The following DPP6 variants were observed in gnomAD, a reference collection of about 807,000 sequenced individuals.
DPP6 encodes the protein dipeptidyl peptidase like 6.
In DPP6, 69 loss-of-function variants were observed where a neutral mutation model predicts 122.6. That is an observed-to-expected ratio of 0.56 (90% CI 0.46 to 0.69). The LOEUF is 0.69. Ranked by LOEUF, DPP6 falls within the 30% of genes least tolerant of loss-of-function variation. The probability of loss-of-function intolerance (pLI) is 0.00; values close to 1 mark genes in which losing one functional copy is unlikely to be tolerated. For synonymous variants in DPP6, 418 were observed against 433.1 expected (o/e 0.97, Z 0.43); for missense variants, 928 against 1,116.9 (o/e 0.83, Z 2.41).
intron 1 of DPP6, among the ~76,000 whole-genome samples, chr7:153,944,823 G>A (rs1478985803): frequency 6.6e-6 from 1 of 151,964 alleles, no homozygotes; most frequent in African/African-American, 2.4e-5. Context: ...TAGAGATGGG[G>A]TTTCACCATG....
chr7:154,674,478 C>G (rs1056078676), intron 7 of DPP6, among the ~76,000 whole-genome samples: 1 of 152,156 alleles, frequency 6.6e-6, no homozygotes, highest in African/African-American at 2.4e-5. Flanking sequence ...GGTGCATCAT[C>G]ACGTTTTCCT....
intron 1 of DPP6, among the ~76,000 whole-genome samples, chr7:154,211,259 C>T (rs1483859469): frequency 6.6e-6 from 1 of 152,146 alleles, no homozygotes; most frequent in Non-Finnish European, 1.5e-5. Context: ...AACAAGCTGG[C>T]AGACAGCCCC....
chr7:154,520,480 A>G (rs971299821), intron 3 of DPP6, among the ~76,000 whole-genome samples: 1 of 152,258 alleles, frequency 6.6e-6, no homozygotes, highest in African/African-American at 2.4e-5. Flanking sequence ...CCTAAAATAG[A>G]GGCCAAATTT....
chr7:154,669,156 C>T (rs969404561), intron 6 of DPP6, among the ~76,000 whole-genome samples: 5 of 152,160 alleles, frequency 3.3e-5, no homozygotes, highest in African/African-American at 1.2e-4. Flanking sequence ...CCTATTTCAG[C>T]TTCATATAAA....
rs1304205992 is a variant in DPP6, at chr7:154,403,053, A to C, written c.244-43161A>C. Among the ~76,000 whole-genome samples, 1 of 152,230 alleles carries C rather than the reference A, an allele frequency of 6.6e-6. No homozygotes were observed. The highest frequency in any genetic ancestry group is 1.5e-5 in the Non-Finnish European group (1 of 68,040). On this transcript the variant is annotated intron_variant, in intron 1 of 25. Coordinates refer to ENST00000377770, the MANE Select transcript of DPP6 (RefSeq NM_130797.4). The surrounding 1 kb of genome is among the most constrained non-coding windows in gnomAD (Gnocchi z 4.1). ...AGAGATGCTAATAGCTAATTATCAG[A>C]GTTATTTATATGACTGTGTCAGGTA...
At chr7:153,927,230 T>G (rs1800943308) in intron 1 of DPP6, among the ~76,000 whole-genome samples, 1 of 152,164 alleles carries the variant, frequency 6.6e-6, no homozygotes, top group Non-Finnish European at 1.5e-5. Flanking sequence ...GGAGGATCAC[T>G]TGAGTGCCGG....
intron 1 of DPP6, among the ~76,000 whole-genome samples, chr7:154,201,345 T>C (rs1191117898): frequency 1.3e-5 from 2 of 152,168 alleles, no homozygotes; most frequent in African/African-American, 4.8e-5. Context: ...GCCAAGCTAG[T>C]CTTGAACTCC....
intron 1 of DPP6, among the ~76,000 whole-genome samples, chr7:154,074,003 G>C (rs1209733839): frequency 1.3e-3 from 149 of 111,268 alleles, no homozygotes; most frequent in Non-Finnish European, 2.1e-3. Flanking sequence ...ATATATCTAT[G>C]TATGTATGTA....
rs59140360 is a variant in DPP6, at chr7:154,347,437, C to A, written c.244-98777C>A. Among the ~76,000 whole-genome samples, 498 of 152,318 alleles carry A rather than the reference C, an allele frequency of 3.3e-3. 3 individuals carry two copies. Among genetic ancestry groups the A allele is most frequent in the African/African-American group, 0.011 (465 of 41,570 alleles). Reference sequence around the variant, plus strand: ...CTGCATGAAAATTTAGCAACTAAATCTGGCCATTAAAGCATAATCTTTATT... The same window carrying A: ...CTGCATGAAAATTTAGCAACTAAATATGGCCATTAAAGCATAATCTTTATT... On this transcript the variant is annotated intron_variant, in intron 1 of 25. Transcript: ENST00000377770.
At chr7:154,148,771 C>T (rs560726178) in intron 1 of DPP6, among the ~76,000 whole-genome samples, 3 of 152,366 alleles carry the variant, frequency 2.0e-5, no homozygotes, top group Non-Finnish European at 2.9e-5. Context: ...TCATCCCCAT[C>T]GCTCTTATTG....
chr7:154,620,721 C>T (rs1213849753), intron 5 of DPP6, among the ~76,000 whole-genome samples: 2 of 152,222 alleles, frequency 1.3e-5, no homozygotes, highest in Non-Finnish European at 2.9e-5. Flanking sequence ...CAGCAAGTAG[C>T]ACATGCTTTT....
chr7:153,948,923 G>T (rs541397783), intron 1 of DPP6, among the ~76,000 whole-genome samples: 12 of 151,650 alleles, frequency 7.9e-5, no homozygotes, highest in Middle Eastern at 3.4e-3. Flanking sequence ...AAGCAAAATT[G>T]GGAAAGAATA....
At chr7:154,638,137 G>C (rs548990037) in intron 6 of DPP6, among the ~76,000 whole-genome samples, 23 of 152,274 alleles carry the variant, frequency 1.5e-4, no homozygotes, top group Non-Finnish European at 2.8e-4. Context: ...GGTTCCTGCA[G>C]TTGACCCTGG....
At chr7:154,716,263 G>T (rs1841476489) in intron 7 of DPP6, among the ~76,000 whole-genome samples, 2 of 151,788 alleles carry the variant, frequency 1.3e-5, no homozygotes, top group Admixed American at 1.3e-4. Context: ...AACTTCCCTG[G>T]AACACAAGGC....
chr7:154,661,635 G>C (rs34537807), intron 6 of DPP6, among the ~76,000 whole-genome samples: 2 of 128,464 alleles, frequency 1.6e-5, no homozygotes, highest in African/African-American at 6.0e-5. Context: ...CGTATTGGCC[G>C]TAGTATTCAT....
At chr7:154,095,009 A>C (rs1280575653) in intron 1 of DPP6, 4 of 152,288 alleles carry the variant, frequency 2.6e-5, no homozygotes, top group African/African-American at 7.2e-5. Context: ...CCAGGGAGGG[A>C]GCTCTCAGTA....
At chr7:153,764,486 G>A in the DPP6 span, among the ~76,000 whole-genome samples, 2 of 152,160 alleles carry the variant, frequency 1.3e-5, no homozygotes, top group Non-Finnish European at 2.9e-5. Flanking sequence ...TGGGTTCAGG[G>A]GGAGGAGGGA....
intron 3 of DPP6, among the ~76,000 whole-genome samples, chr7:154,533,621 G>T (rs548135926): frequency 6.6e-5 from 10 of 151,918 alleles, no homozygotes; most frequent in Admixed American, 1.3e-4. Context: ...ACCAGATAAA[G>T]AAATCACAAG....
chr7:153,812,716 G>T, the DPP6 span, among the ~76,000 whole-genome samples: 1 of 152,132 alleles, frequency 6.6e-6, no homozygotes, highest in African/African-American at 2.4e-5. Context: ...ATTTAGGATT[G>T]GGATTCTTGC....
Sources: allele counts gnomAD v4.1 joint callset (sites outside exome capture counted in the v4.1 genomes callset), GRCh38; gene constraint gnomAD v4.1.1; non-coding constraint Gnocchi (gnomAD v3.1); transcripts MANE v1.5; gene names NCBI Gene and HGNC (gene_info 2026-07-23, HGNC 2026-07-21).